Variants in PBRM1 observed in about 807,000 individuals in gnomAD.
PBRM1 encodes the protein polybromo 1, also known as protein polybromo-1.
A neutral mutation model predicts 194.5 loss-of-function variants in PBRM1; 27 were observed. The observed-to-expected ratio is 0.14, with a 90% confidence interval of 0.10 to 0.19. The LOEUF (loss-of-function observed/expected upper bound fraction) is 0.19. Among genes scored for constraint, PBRM1 ranks in the 10% least tolerant of loss-of-function variants. The pLI is 1.00. For synonymous variants in PBRM1, 655 were observed against 693.2 expected (o/e 0.94, Z 0.87); for missense variants, 1,466 against 2,077.2 (o/e 0.71, Z 5.72).
At chr3:52,558,186 G>C in intron 26 of PBRM1, 63 bp downstream of exon 28, 2 of 1,266,502 alleles carry the variant, frequency 1.6e-6, no homozygotes, top group African/African-American at 1.5e-5. Context: ...CTCCTTATTG[G>C]AGAAAAAAAA....
At chr3:52,657,648 T>C (rs2096633360) in intron 5 of PBRM1, among the ~76,000 whole-genome samples, 1 of 151,998 alleles carries the variant, frequency 6.6e-6, no homozygotes, top group Admixed American at 6.6e-5. Context: ...TTTTATACTT[T>C]TACTAGGGAT....
intron 10 of PBRM1, among the ~76,000 whole-genome samples, chr3:52,638,696 C>A (rs922508373): frequency 6.6e-5 from 10 of 151,864 alleles, no homozygotes; most frequent in African/African-American, 2.4e-4. Flanking sequence ...TGGGCTCAGG[C>A]AATCCTCCTG....
chr3:52,656,944 T>C (rs927666588), intron 5 of PBRM1, among the ~76,000 whole-genome samples: 1 of 152,186 alleles, frequency 6.6e-6, no homozygotes, highest in African/African-American at 2.4e-5. Context: ...AAAGGTATTA[T>C]ATAGAAATAA....
At chr3:52,572,240 T>G (rs905247210) in intron 22 of PBRM1, among the ~76,000 whole-genome samples, 3 of 152,128 alleles carry the variant, frequency 2.0e-5, no homozygotes, top group Admixed American at 6.6e-5. Flanking sequence ...AAAAATCTAC[T>G]GTGAAGGGAA....
At chr3:52,582,024 C>T (rs1483765236) in intron 20 of PBRM1, among the ~76,000 whole-genome samples, 1 of 151,978 alleles carries the variant, frequency 6.6e-6, no homozygotes, top group Non-Finnish European at 1.5e-5. Context: ...GGGTGGGTCA[C>T]CTGAGGTCAG....
chr3:52,554,661 T>C (rs766542981), intron 27 of PBRM1, 63 bp downstream of exon 29: 19 of 1,411,132 alleles, frequency 1.3e-5, no homozygotes, highest in Non-Finnish European at 1.6e-5. Context: ...GAACAACTGG[T>C]TGAAAGCGGA....
In PBRM1 at chr3:52,603,750, G is replaced by A. The variant is rs1362494720; in HGVS notation, c.2568-18C>T. 3 of 1,591,316 alleles carry A rather than the reference G, an allele frequency of 1.9e-6. No homozygotes were observed. The highest frequency in any genetic ancestry group is 2.2e-5 in the South Asian group (2 of 89,994). On this transcript the variant is annotated intron_variant, in intron 16 of 29. Transcript: ENST00000296302. ...AATCTGTCCTATAACAGCATCAAGA[G>A]TATCCATTGACATACAAGCTGTTTC...
intron 17 of PBRM1, among the ~76,000 whole-genome samples, chr3:52,590,476 C>T (rs2092923575): frequency 1.3e-5 from 2 of 151,774 alleles, no homozygotes; most frequent in Admixed American, 6.6e-5. Context: ...AAAAAAAGTT[C>T]CAGTACAAGC....
At chr3:52,563,295 G>A (rs759298130) in exon 24 of PBRM1, 17 of 1,613,574 alleles carry the variant, frequency 1.1e-5, no homozygotes, top group Non-Finnish European at 7.6e-6. Flanking sequence ...GTGGGGGTGT[G>A]TAGGGCATGA....
chr3:52,638,859 A>C (rs1248265541), intron 10 of PBRM1, among the ~76,000 whole-genome samples: 4 of 151,758 alleles, frequency 2.6e-5, no homozygotes, highest in South Asian at 2.1e-4. Context: ...TCTGCCTCCC[A>C]AAGTGTTGGG....
intron 27 of PBRM1, chr3:52,552,038 G>A (rs1168227867): frequency 6.6e-6 from 1 of 152,180 alleles, no homozygotes; most frequent in East Asian, 1.9e-4. Context: ...TGTTTAAAAA[G>A]CAGGGAGTTT....
At chr3:52,584,924 T>A (rs1424896516) in intron 20 of PBRM1, among the ~76,000 whole-genome samples, 3 of 151,668 alleles carry the variant, frequency 2.0e-5, no homozygotes, top group Admixed American at 2.0e-4. Flanking sequence ...AATATGAATT[T>A]AAAAAAAAAT....
At chr3:52,599,243 T>C (rs2093806526) in intron 17 of PBRM1, among the ~76,000 whole-genome samples, 1 of 152,144 alleles carries the variant, frequency 6.6e-6, no homozygotes, top group Admixed American at 6.6e-5. Context: ...TTCGATAACA[T>C]GGATACAACG....
chr3:52,679,390 C>G (rs1286073433), intron 1 of PBRM1, among the ~76,000 whole-genome samples, 184 bp downstream of exon 2: 1 of 152,166 alleles, frequency 6.6e-6, no homozygotes, highest in Non-Finnish European at 1.5e-5. Context: ...TGAAATTATT[C>G]ATAAGATCAC....
chr3:52,643,743 G>A (rs1371485728), intron 8 of PBRM1, among the ~76,000 whole-genome samples: 5 of 152,278 alleles, frequency 3.3e-5, no homozygotes, highest in East Asian at 3.9e-4. Context: ...AGGCCGAGGC[G>A]GGTGGATCAC....
At chr3:52,651,990 T>C (rs2096507178) in intron 5 of PBRM1, among the ~76,000 whole-genome samples, 180 bp from the exon 7 acceptor site, 1 of 152,220 alleles carries the variant, frequency 6.6e-6, no homozygotes, top group Non-Finnish European at 1.5e-5. Context: ...AATTTAATCT[T>C]AAGAAGCTTC....
At chr3:52,549,954 A>C (rs1043876834) in intron 29 of PBRM1, among the ~76,000 whole-genome samples, 14 of 151,392 alleles carry the variant, frequency 9.2e-5, no homozygotes, top group African/African-American at 3.4e-4. Context: ...ACAGTGGCTC[A>C]CGCCTGTAAT....
At chr3:52,585,897 T>G (rs1304695571) in intron 20 of PBRM1, 1 of 152,210 alleles carries the variant, frequency 6.6e-6, no homozygotes, top group Non-Finnish European at 1.5e-5. Context: ...TTTATCTAAT[T>G]GGACTTGTCA....
At chr3:52,596,665 C>T (rs2093589291) in intron 17 of PBRM1, among the ~76,000 whole-genome samples, 2 of 151,872 alleles carry the variant, frequency 1.3e-5, no homozygotes, top group African/African-American at 4.8e-5. Context: ...GGAATGGGTG[C>T]CTCAGGACTG....
Sources: allele counts gnomAD v4.1 joint callset (sites outside exome capture counted in the v4.1 genomes callset), GRCh38; gene constraint gnomAD v4.1.1; transcripts MANE v1.5; gene names NCBI Gene and HGNC (gene_info 2026-07-23, HGNC 2026-07-21).